CAST: variants seen among roughly 807,000 people sequenced by gnomAD.
CAST encodes calpastatin.
CAST carries 76 observed loss-of-function variants against 119.6 expected under a neutral mutation model. The ratio of observed to expected loss-of-function variants is 0.64; its 90% confidence interval spans 0.53 to 0.77. The LOEUF is 0.77. Among genes scored for constraint, CAST ranks in the 30% least tolerant of loss-of-function variants. The probability of loss-of-function intolerance (pLI) is 0.00; values close to 1 mark genes in which losing one functional copy is unlikely to be tolerated. For missense variants in CAST, 953 were observed against 946.5 expected, an observed-to-expected ratio of 1.01 and a Z score of -0.09; for synonymous variants, 319 against 331.6, an observed-to-expected ratio of 0.96 and a Z score of 0.41.
chr5:96,011,044 T>G, the CAST span, among the ~76,000 whole-genome samples: 24 of 152,202 alleles, frequency 1.6e-4, no homozygotes, highest in African/African-American at 5.8e-4. Flanking sequence ...ATATTGTCAA[T>G]GAAGAGAGAT....
chr5:96,503,645 T>C, the CAST span, among the ~76,000 whole-genome samples: 1 of 152,160 alleles, frequency 6.6e-6, no homozygotes, highest in African/African-American at 2.4e-5. Context: ...AGTGCCAGTG[T>C]TCAGAAACCA....
At chr5:96,211,094 C>A in the CAST span, among the ~76,000 whole-genome samples, 3 of 151,892 alleles carry the variant, frequency 2.0e-5, no homozygotes, top group Non-Finnish European at 4.4e-5. Context: ...TTTGTGTAGG[C>A]AATTATACCT....
chr5:96,534,945 A>AAGAG (rs1580814020), intron 1 of CAST, among the ~76,000 whole-genome samples: 1 of 150,942 alleles, frequency 6.6e-6, no homozygotes, highest in Non-Finnish European at 1.5e-5. Flanking sequence ...AAGAAAGAGA[A>AAGAG]AGGGAAAGAA....
At chr5:96,485,064 G>C in the CAST span, among the ~76,000 whole-genome samples, 1 of 152,170 alleles carries the variant, frequency 6.6e-6, no homozygotes, top group African/African-American at 2.4e-5. Flanking sequence ...TAAATGCATG[G>C]AGTAAGAAAA....
intron 1 of CAST, among the ~76,000 whole-genome samples, chr5:96,576,033 G>A (rs1270869891): frequency 6.6e-6 from 1 of 152,186 alleles, no homozygotes; most frequent in Non-Finnish European, 1.5e-5. Flanking sequence ...TGGGAATGAG[G>A]AACCAGCCTT....
intron 16 of CAST, among the ~76,000 whole-genome samples, chr5:96,743,121 G>GTCTATACAC (rs1247263466): frequency 3.3e-5 from 5 of 152,304 alleles, no homozygotes; most frequent in African/African-American, 1.2e-4. Flanking sequence ...AGAAGGAGAT[G>GTCTATACAC]TCTATACACG....
chr5:96,658,562 G>T (rs1213847323), upstream of CAST, among the ~76,000 whole-genome samples: 1 of 152,144 alleles, frequency 6.6e-6, no homozygotes, highest in African/African-American at 2.4e-5. Context: ...TCTTACTGGG[G>T]ATCCAACAAA....
chr5:95,962,207 G>C, the CAST span: 1 of 233,854 alleles, frequency 4.3e-6, no homozygotes, highest in African/African-American at 2.2e-5. Context: ...GCCCCTGTGG[G>C]GGATAGTAGT....
At chr5:96,765,967 C>A in intron 26 of CAST, 86 bp from the exon 27 acceptor site, 1 of 796,356 alleles carries the variant, frequency 1.3e-6, no homozygotes, top group Non-Finnish European at 2.1e-6. Context: ...GAAAGTACAA[C>A]AAATGCTGAA....
At chr5:96,274,230 T>G in the CAST span, among the ~76,000 whole-genome samples, 7 of 151,872 alleles carry the variant, frequency 4.6e-5, no homozygotes, top group Admixed American at 3.9e-4. Context: ...GCCTCCTGAG[T>G]AGCTGGGACT....
At chr5:96,027,462 A>G in the CAST span, among the ~76,000 whole-genome samples, 5 of 152,290 alleles carry the variant, frequency 3.3e-5, no homozygotes, top group East Asian at 9.6e-4. Flanking sequence ...CCAGTGAAGA[A>G]ATAGAGAATT....
At chr5:96,425,427 A>G in the CAST span, among the ~76,000 whole-genome samples, 7 of 152,252 alleles carry the variant, frequency 4.6e-5, no homozygotes, top group African/African-American at 1.7e-4. Flanking sequence ...TCAGGGTTGT[A>G]TATGCCAAAT....
the CAST span, among the ~76,000 whole-genome samples, chr5:96,317,735 T>C: frequency 6.6e-6 from 1 of 152,084 alleles, no homozygotes; most frequent in African/African-American, 2.4e-5. Flanking sequence ...GACTTGGCAT[T>C]TTAGTATATT....
intron 1 of CAST, among the ~76,000 whole-genome samples, chr5:96,543,290 C>T (rs186034328): frequency 6.6e-6 from 1 of 152,122 alleles, no homozygotes; most frequent in Non-Finnish European, 1.5e-5. Flanking sequence ...GAACAGAAAA[C>T]CAAGCACCAC....
At chr5:96,468,265 G>A in the CAST span, among the ~76,000 whole-genome samples, 1 of 151,902 alleles carries the variant, frequency 6.6e-6, no homozygotes, top group East Asian at 1.9e-4. Flanking sequence ...TAAAAAAATG[G>A]CACATGAGGT....
the CAST span, among the ~76,000 whole-genome samples, chr5:96,116,586 T>G: frequency 4.6e-5 from 7 of 152,216 alleles, no homozygotes; most frequent in Admixed American, 1.3e-4. Flanking sequence ...ATATTGTCAG[T>G]CTTTTTAACT....
the CAST span, among the ~76,000 whole-genome samples, chr5:96,090,945 G>T: frequency 6.6e-6 from 1 of 152,202 alleles, no homozygotes; most frequent in African/African-American, 2.4e-5. Flanking sequence ...TGAGAGACCA[G>T]ATGCCCATCC....
chr5:96,415,551 CAATTA>C, the CAST span, among the ~76,000 whole-genome samples: 1 of 152,154 alleles, frequency 6.6e-6, no homozygotes, highest in Non-Finnish European at 1.5e-5. Context: ...CTGATGAAAA[CAATTA>C]AATCCTACAT....
At chr5:96,414,061 C>G in the CAST span, among the ~76,000 whole-genome samples, 7 of 148,856 alleles carry the variant, frequency 4.7e-5, no homozygotes, top group Admixed American at 4.0e-4. Flanking sequence ...ATGGCATGAA[C>G]CCGGGAGGCG....
Sources: gnomAD v4.1 joint callset for allele counts (sites outside exome capture counted in the v4.1 genomes callset) on GRCh38, gnomAD v4.1.1 for gene constraint, MANE v1.5 for transcripts, NCBI Gene and HGNC (gene_info 2026-07-23, HGNC 2026-07-21) for gene names.